The following NAA11 variants were observed in gnomAD, a reference collection of about 807,000 sequenced individuals.
NAA11 encodes the protein N-alpha-acetyltransferase 11, NatA catalytic subunit, also known as N-alpha-acetyltransferase 11.
In NAA11, 15 loss-of-function variants were observed where a neutral mutation model predicts 16.1. The observed-to-expected ratio is 0.93, with a 90% CI of 0.62 to 1.44. The LOEUF is 1.44. Among genes scored for constraint, NAA11 ranks in the 40% most tolerant of loss-of-function variants. The pLI, the probability that NAA11 is intolerant of heterozygous loss-of-function variation, is 0.00. For synonymous variants in NAA11, 122 were observed against 112.4 expected, an observed-to-expected ratio of 1.09 and a Z score of -0.54; for missense variants, 298 against 291.3, an observed-to-expected ratio of 1.02 and a Z score of -0.17.
rs758697910 is a variant in NAA11, at chr4:79,322,146, T to C, written c.*12+3030A>G. 3.3e-5 allele frequency among the ~76,000 whole-genome samples: 5 copies of C among 152,180 alleles called. No individual in the cohort carries two copies. The South Asian group carries it at 6.2e-4, about 19-fold the overall frequency. On this transcript the variant is annotated intron_variant, in intron 1 of 1. Transcript: ENST00000286794. Reference sequence around the variant, plus strand: ...GTGCAGACTAATACTCATATACCCTTGCTACCAAAATGGTAAGAGACCTCC... The same window carrying C: ...GTGCAGACTAATACTCATATACCCTCGCTACCAAAATGGTAAGAGACCTCC...
At chr4:79,226,683 T>G (rs1466778899) in intron 2 of NAA11, among the ~76,000 whole-genome samples, 2 of 150,118 alleles carry the variant, frequency 1.3e-5, no homozygotes, top group Admixed American at 6.7e-5. Context: ...GTGGTGTTTG[T>G]TTTTTTGTCC....
the NAA11 span, among the ~76,000 whole-genome samples, chr4:79,173,987 G>A: frequency 6.6e-6 from 1 of 151,986 alleles, no homozygotes; most frequent in Non-Finnish European, 1.5e-5. Context: ...GAGGAAGGAA[G>A]GTAAAGGAGG....
At chr4:79,170,071 T>C in the NAA11 span, among the ~76,000 whole-genome samples, 1 of 152,234 alleles carries the variant, frequency 6.6e-6, no homozygotes. Context: ...TCTTTATGAC[T>C]GCCTTGATGA....
At chr4:79,301,762 A>G (rs1417810234) in intron 1 of NAA11, among the ~76,000 whole-genome samples, 3 of 152,212 alleles carry the variant, frequency 2.0e-5, no homozygotes, top group African/African-American at 7.2e-5. Context: ...AATCCATTTT[A>G]TAATAGCTCA....
the NAA11 span, among the ~76,000 whole-genome samples, chr4:79,194,348 G>C: frequency 1.3e-5 from 2 of 152,042 alleles, no homozygotes; most frequent in East Asian, 1.9e-4. Flanking sequence ...TCAGCGCACT[G>C]ACACTTTAAT....
At chr4:79,307,265 G>A (rs764080388) in intron 1 of NAA11, 4 of 152,158 alleles carry the variant, frequency 2.6e-5, no homozygotes, top group Admixed American at 6.5e-5. Flanking sequence ...ACTGTGCATC[G>A]AGGAAGACAT....
chr4:79,202,544 A>ACACACACACG, the NAA11 span, among the ~76,000 whole-genome samples: 1 of 135,514 alleles, frequency 7.4e-6, no homozygotes, highest in African/African-American at 2.7e-5. Flanking sequence ...ACACACACGC[A>ACACACACACG]CACACACACA....
the NAA11 span, among the ~76,000 whole-genome samples, chr4:79,168,966 C>A: frequency 1.3e-5 from 2 of 152,064 alleles, no homozygotes; most frequent in East Asian, 1.9e-4. Flanking sequence ...CAATAATAGA[C>A]AAGCAGAGAG....
At chr4:79,280,918 G>A (rs1722771330) in intron 2 of NAA11, among the ~76,000 whole-genome samples, 1 of 152,038 alleles carries the variant, frequency 6.6e-6, no homozygotes, top group African/African-American at 2.4e-5. Flanking sequence ...TGGGGGCATT[G>A]GGAAGTCTTG....
At chr4:79,188,464 G>A in the NAA11 span, among the ~76,000 whole-genome samples, 14 of 151,916 alleles carry the variant, frequency 9.2e-5, no homozygotes, top group South Asian at 1.5e-3. Context: ...GGGCACCTGT[G>A]GTCCCAGCTA....
chr4:79,167,049 G>A, the NAA11 span, among the ~76,000 whole-genome samples: 163 of 137,022 alleles, frequency 1.2e-3, no homozygotes, highest in African/African-American at 4.3e-3. Flanking sequence ...GCTGGAGGAT[G>A]GAGGTATGAG....
At chr4:79,291,412 A>G (rs952741028) in intron 2 of NAA11, among the ~76,000 whole-genome samples, 12 of 152,254 alleles carry the variant, frequency 7.9e-5, no homozygotes, top group Middle Eastern at 6.8e-3. Context: ...GAAGTGAACT[A>G]TGATGGTGCC....
intron 2 of NAA11, among the ~76,000 whole-genome samples, chr4:79,230,894 A>G (rs1166462845): frequency 6.6e-6 from 1 of 152,044 alleles, no homozygotes; most frequent in Non-Finnish European, 1.5e-5. Context: ...CTATCCTAAA[A>G]AAACCTTCCT....
chr4:79,315,140 G>T (rs976000753), downstream of NAA11, among the ~76,000 whole-genome samples: 23 of 151,582 alleles, frequency 1.5e-4, no homozygotes, highest in Non-Finnish European at 2.9e-5. Flanking sequence ...CCAGCAACAT[G>T]AGCAATGTAG....
At chr4:79,281,571 A>G (rs1407311869) in intron 2 of NAA11, among the ~76,000 whole-genome samples, 1 of 152,108 alleles carries the variant, frequency 6.6e-6, no homozygotes, top group Non-Finnish European at 1.5e-5. Flanking sequence ...CTACTACAAG[A>G]TAAGTGATTA....
intron 1 of NAA11, among the ~76,000 whole-genome samples, chr4:79,310,470 GAAGA>G (rs1723738396): frequency 6.6e-6 from 1 of 152,168 alleles, no homozygotes; most frequent in Non-Finnish European, 1.5e-5. Context: ...TGAAGATATA[GAAGA>G]AACAAGAAGG....
At chr4:79,306,967 T>C (rs1387010948) in intron 1 of NAA11, 1 of 152,220 alleles carries the variant, frequency 6.6e-6, no homozygotes, top group Non-Finnish European at 1.5e-5. Flanking sequence ...GTTGATTTAA[T>C]AGGTATACTC....
At chr4:79,220,282 G>A in the NAA11 span, among the ~76,000 whole-genome samples, 4 of 152,100 alleles carry the variant, frequency 2.6e-5, no homozygotes, top group Non-Finnish European at 5.9e-5. Flanking sequence ...TAGTAGAGAC[G>A]GCGTTTCGCC....
chr4:79,278,282 C>T (rs1473368829), intron 2 of NAA11, among the ~76,000 whole-genome samples: 1 of 152,112 alleles, frequency 6.6e-6, no homozygotes, highest in Non-Finnish European at 1.5e-5. Context: ...TTACCAGTGA[C>T]TCAGCCAATG....
Sources: allele counts gnomAD v4.1 joint callset (sites outside exome capture counted in the v4.1 genomes callset), GRCh38; gene constraint gnomAD v4.1.1; transcripts MANE v1.5; gene names NCBI Gene and HGNC (gene_info 2026-07-23, HGNC 2026-07-21).